The following SAMSN1 variants were observed in gnomAD, a reference collection of about 807,000 sequenced individuals.
SAMSN1 encodes SAM domain-containing protein SAMSN-1.
SAMSN1 carries 31 observed loss-of-function variants against 42.0 expected under a neutral mutation model. The observed-to-expected ratio is 0.74, with a 90% CI of 0.55 to 1.00. The LOEUF is 1.00. Ranked by LOEUF, SAMSN1 falls within the 50% of genes least tolerant of loss-of-function variation. The probability of loss-of-function intolerance (pLI) is 0.00; values close to 1 mark genes in which losing one functional copy is unlikely to be tolerated. For missense variants in SAMSN1, 464 were observed against 439.4 expected (o/e 1.06, Z -0.50); for synonymous variants, 178 against 151.9 (o/e 1.17, Z -1.26).
chr21:14,523,344 C>T (rs1978619609), intron 1 of SAMSN1: 1 of 152,278 alleles, frequency 6.6e-6, no homozygotes, highest in Admixed American at 6.5e-5. Flanking sequence ...GTGTTAGACA[C>T]AATTAACGCC....
intron 2 of SAMSN1, among the ~76,000 whole-genome samples, chr21:14,628,150 A>C (rs1395828320): frequency 6.6e-6 from 1 of 152,234 alleles, no homozygotes; most frequent in Non-Finnish European, 1.5e-5. Context: ...TCAATGGGAT[A>C]GGAGATTAAA....
chr21:14,568,951 T>C (rs1201853373), intron 2 of SAMSN1, among the ~76,000 whole-genome samples: 1 of 152,036 alleles, frequency 6.6e-6, no homozygotes, highest in Non-Finnish European at 1.5e-5. Context: ...AATAACAAAA[T>C]TAACCAGAAT....
chr21:14,588,515 T>G (rs946699866), intron 7 of SAMSN1, among the ~76,000 whole-genome samples: 25 of 151,798 alleles, frequency 1.6e-4, no homozygotes, highest in African/African-American at 6.0e-4. Flanking sequence ...GAGCATTTTT[T>G]CATGTGTTTT....
chr21:14,643,290 C>G (rs867825920), intron 1 of SAMSN1, among the ~76,000 whole-genome samples: 2 of 152,098 alleles, frequency 1.3e-5, no homozygotes, highest in African/African-American at 4.8e-5. Flanking sequence ...CAACAGTGAA[C>G]AATACAGTAA....
intron 3 of SAMSN1, among the ~76,000 whole-genome samples, chr21:14,516,556 T>C (rs750684662): frequency 6.6e-6 from 1 of 152,132 alleles, no homozygotes; most frequent in Non-Finnish European, 1.5e-5. Flanking sequence ...CATGCTCAGC[T>C]AATTTTTGTA....
intron 6 of SAMSN1, among the ~76,000 whole-genome samples, chr21:14,598,956 A>G (rs147968499): frequency 6.6e-6 from 1 of 152,306 alleles, no homozygotes; most frequent in East Asian, 1.9e-4. Flanking sequence ...CAATGAATTT[A>G]TATCATCTTC....
At chr21:14,553,985 T>C (rs181587184) in intron 2 of SAMSN1, among the ~76,000 whole-genome samples, 1 of 152,284 alleles carries the variant, frequency 6.6e-6, no homozygotes, top group African/African-American at 2.4e-5. Context: ...TAGTCCAATG[T>C]TGAACATACT....
intron 1 of SAMSN1, among the ~76,000 whole-genome samples, chr21:14,539,918 C>G (rs1354770557): frequency 1.3e-5 from 2 of 152,168 alleles, no homozygotes; most frequent in Non-Finnish European, 2.9e-5. Context: ...AGTAACAAAA[C>G]AGCATGGTAT....
chr21:14,487,760 T>G (rs189471101), intron 7 of SAMSN1, among the ~76,000 whole-genome samples: 1 of 152,204 alleles, frequency 6.6e-6, no homozygotes, highest in African/African-American at 2.4e-5. Flanking sequence ...ATCTTCACAT[T>G]TGCCCCACAA....
At chr21:14,533,284 C>A (rs550609103) in intron 1 of SAMSN1, among the ~76,000 whole-genome samples, 134 of 152,088 alleles carry the variant, frequency 8.8e-4, no homozygotes, top group Non-Finnish European at 1.1e-3. Flanking sequence ...GGAAAAAAAA[C>A]CCCAGAAAAT....
At chr21:14,597,339 G>T (rs1982300015) in intron 6 of SAMSN1, among the ~76,000 whole-genome samples, 1 of 152,078 alleles carries the variant, frequency 6.6e-6, no homozygotes, top group Non-Finnish European at 1.5e-5. Context: ...CCCAAAAATT[G>T]TGTGCTATGT....
At chr21:14,610,443 A>G (rs530793616) in intron 4 of SAMSN1, among the ~76,000 whole-genome samples, 28 of 152,320 alleles carry the variant, frequency 1.8e-4, no homozygotes, top group Non-Finnish European at 3.4e-4. Context: ...ACATCAGGAC[A>G]TGGAAGTTCA....
At chr21:14,487,736 T>G (rs1986498870) in intron 7 of SAMSN1, among the ~76,000 whole-genome samples, 1 of 152,224 alleles carries the variant, frequency 6.6e-6, no homozygotes, top group South Asian at 2.1e-4. Flanking sequence ...ACCATATTTA[T>G]GCCATTCTTC....
chr21:14,538,504 A>C (rs1979782283), intron 1 of SAMSN1, among the ~76,000 whole-genome samples: 1 of 152,206 alleles, frequency 6.6e-6, no homozygotes, highest in African/African-American at 2.4e-5. Flanking sequence ...GGACATGAGC[A>C]CCTTGGACAA....
upstream of SAMSN1, among the ~76,000 whole-genome samples, chr21:14,549,708 T>G (rs1233619130): frequency 6.6e-6 from 1 of 152,118 alleles, no homozygotes; most frequent in Non-Finnish European, 1.5e-5. Flanking sequence ...AAAAAAGAAC[T>G]GTATTCCATT....
At chr21:14,538,246 T>C (rs1980955) in intron 1 of SAMSN1, among the ~76,000 whole-genome samples, 97,454 of 152,018 alleles carry the variant, frequency 0.64, 33,788 homozygotes, top group African/African-American at 0.9. Context: ...TTTTATATCA[T>C]GTATTTTATT....
At chr21:14,557,154 G>A (rs1449607528) in intron 2 of SAMSN1, among the ~76,000 whole-genome samples, 3 of 152,118 alleles carry the variant, frequency 2.0e-5, no homozygotes, top group Non-Finnish European at 2.9e-5. Context: ...ACCCATCCAC[G>A]GAGAACCTGT....
chr21:14,538,044 C>A (rs999221127), intron 1 of SAMSN1, among the ~76,000 whole-genome samples: 1 of 152,072 alleles, frequency 6.6e-6, no homozygotes, highest in African/African-American at 2.4e-5. Context: ...TATAGTTTAT[C>A]AAAAATACTT....
At chr21:14,553,145 C>T (rs1335474737) in intron 2 of SAMSN1, among the ~76,000 whole-genome samples, 1 of 150,824 alleles carries the variant, frequency 6.6e-6, no homozygotes, top group East Asian at 1.9e-4. Flanking sequence ...TTTTTTTATC[C>T]TTGAGGATTT....
Sources: allele counts gnomAD v4.1 joint callset (sites outside exome capture counted in the v4.1 genomes callset), GRCh38; gene constraint gnomAD v4.1.1; transcripts MANE v1.5; gene names NCBI Gene and HGNC (gene_info 2026-07-23, HGNC 2026-07-21).